The following LPGAT1 variants were observed in gnomAD, a reference collection of about 807,000 sequenced individuals.
The protein encoded by LPGAT1 is lysophosphatidylglycerol acyltransferase 1, also known as acyl-CoA:lysophosphatidylglycerol acyltransferase 1.
Under a neutral mutation model 47.5 loss-of-function variants are expected in LPGAT1, and 11 were observed. The ratio of observed to expected loss-of-function variants is 0.23; its 90% confidence interval spans 0.15 to 0.38. The LOEUF (loss-of-function observed/expected upper bound fraction) is 0.38. Ranked by LOEUF, LPGAT1 falls within the 10% of genes least tolerant of loss-of-function variation. The probability of loss-of-function intolerance (pLI) is 1.00; values close to 1 mark genes in which losing one functional copy is unlikely to be tolerated. For missense variants in LPGAT1, 293 were observed against 439.0 expected, an observed-to-expected ratio of 0.67 and a Z score of 2.97; for synonymous variants, 138 against 144.2, an observed-to-expected ratio of 0.96 and a Z score of 0.31.
chr1:211,809,595 A>G (rs1408952842), intron 2 of LPGAT1, among the ~76,000 whole-genome samples: 1 of 152,152 alleles, frequency 6.6e-6, no homozygotes, highest in Non-Finnish European at 1.5e-5. Context: ...TAATTGAATC[A>G]TGAGGGGCGT....
chr1:211,757,553 C>A (rs146833598), intron 6 of LPGAT1, among the ~76,000 whole-genome samples: 23 of 152,246 alleles, frequency 1.5e-4, no homozygotes, highest in African/African-American at 5.5e-4. Context: ...TTGGGTTCAG[C>A]AATAGTTGTA....
At chr1:211,829,391 A>G in intron 1 of LPGAT1, 68 bp from the exon 2 acceptor site, 1 of 1,567,550 alleles carries the variant, frequency 6.4e-7, no homozygotes, top group East Asian at 2.3e-5. Flanking sequence ...TCACCAACAT[A>G]GAAATCGCCC....
chr1:211,826,064 C>G (rs1408764105), intron 2 of LPGAT1, among the ~76,000 whole-genome samples: 5 of 152,054 alleles, frequency 3.3e-5, no homozygotes, highest in African/African-American at 1.2e-4. Context: ...AAATGTGTAA[C>G]TTAAAGTCAG....
chr1:211,744,938 A>G lies in LPGAT1; in HGVS notation c.*4961T>C, dbSNP rs1049709467. On this transcript the variant is annotated 3_prime_UTR_variant, in exon 8 of 8. Transcript: ENST00000366997. ...TATTAATGCCCAAATAGCTCTGGTA[A>G]AACACACATGCCCCATCCCCACTGC... 6.6e-6 allele frequency: 1 copy of G among 152,644 alleles called. No homozygotes were observed. Among genetic ancestry groups the G allele is most frequent in the Non-Finnish European group, 1.5e-5 (1 of 68,052 alleles). The allele number at this position is 152,644 out of a possible 1,614,324, so 9.5% of individuals were successfully genotyped here. A position where few individuals can be genotyped will look rare whatever the true frequency, so the allele number is the denominator to read the frequency against.
At chr1:211,807,233 T>C (rs770556478) in intron 2 of LPGAT1, among the ~76,000 whole-genome samples, 2 of 151,980 alleles carry the variant, frequency 1.3e-5, no homozygotes, top group Non-Finnish European at 2.9e-5. Flanking sequence ...ATCTATATAC[T>C]CAAAACTACC....
At chr1:211,825,464 A>G (rs1660517417) in intron 2 of LPGAT1, among the ~76,000 whole-genome samples, 1 of 152,074 alleles carries the variant, frequency 6.6e-6, no homozygotes, top group Non-Finnish European at 1.5e-5. Context: ...TTTGGTATGA[A>G]ATCTTTCTCT....
intron 2 of LPGAT1, among the ~76,000 whole-genome samples, chr1:211,821,133 G>C (rs747625067): frequency 6.6e-6 from 1 of 152,204 alleles, no homozygotes; most frequent in East Asian, 1.9e-4. Context: ...GTGCATGCCT[G>C]TAATCCCAGC....
Position 211,830,503 on chromosome 1 carries a change from G to T in LPGAT1, c.-28+70C>A, listed in dbSNP as rs1660700038. The T allele has an allele frequency of 8.4e-7, 1 of 1,188,626 alleles. No individual in the cohort carries two copies. Among genetic ancestry groups the T allele is most frequent in the Admixed American group, 4.5e-5 (1 of 22,446 alleles). The allele number at this position is 1,188,626 out of a possible 1,614,324, so 73.6% of individuals were successfully genotyped here. On this transcript the variant is annotated intron_variant, in intron 1 of 7. Transcript: ENST00000366997. The surrounding 1 kb of genome is among the most constrained non-coding windows in gnomAD (Gnocchi z 5.9). ...ACGCGACGACGACACCCCCTTCCCC[G>T]CCCCCAGCGCCTCCCCTGGCCCGGC...
intron 6 of LPGAT1, among the ~76,000 whole-genome samples, chr1:211,764,910 C>T (rs1043474605): frequency 1.3e-5 from 2 of 152,166 alleles, no homozygotes; most frequent in African/African-American, 4.8e-5. Flanking sequence ...GATAACTGAG[C>T]CCTCCTCTTG....
intron 2 of LPGAT1, among the ~76,000 whole-genome samples, chr1:211,799,739 T>G (rs1193981006): frequency 6.6e-6 from 1 of 152,100 alleles, no homozygotes; most frequent in African/African-American, 2.4e-5. Flanking sequence ...AGTTGAATAA[T>G]AACCAGGTCT....
intron 6 of LPGAT1, among the ~76,000 whole-genome samples, chr1:211,756,003 C>T (rs1391183845): frequency 1.3e-5 from 2 of 152,022 alleles, no homozygotes; most frequent in Non-Finnish European, 2.9e-5. Flanking sequence ...TTTGGGAGGC[C>T]GAGGCAGGTG....
intron 2 of LPGAT1, among the ~76,000 whole-genome samples, chr1:211,804,144 C>T (rs905811786): frequency 6.6e-6 from 1 of 152,146 alleles, no homozygotes; most frequent in Non-Finnish European, 1.5e-5. Context: ...ACAATCAAAG[C>T]TCACTGTAGC....
At chr1:211,755,585 A>G (rs573349352) in intron 6 of LPGAT1, among the ~76,000 whole-genome samples, 20 of 151,962 alleles carry the variant, frequency 1.3e-4, no homozygotes, top group African/African-American at 4.8e-4. Context: ...GGAGTGTGGC[A>G]TGAAAAATCT....
chr1:211,759,736 T>C (rs980354838), intron 6 of LPGAT1, among the ~76,000 whole-genome samples: 1 of 152,212 alleles, frequency 6.6e-6, no homozygotes, highest in Admixed American at 6.5e-5. Context: ...GCAAACAATA[T>C]TTTTGAATTT....
In LPGAT1 at chr1:211,783,165, T is replaced by A. The variant is rs986760908; in HGVS notation, c.727+64A>T. The stretch of plus-strand genomic sequence containing the variant: ...TAAATATAAAAAAGAACAATGATCA[T>A]CTTCTGTAACTCCAGAAAATCCTTT... On this transcript the variant is annotated intron_variant, in intron 5 of 7. Coordinates refer to ENST00000366997, the MANE Select transcript of LPGAT1 (RefSeq NM_014873.3). The A allele has an allele frequency of 1.7e-5, 24 of 1,373,654 alleles. No homozygotes were observed. In the African/African-American group the frequency reaches 2.2e-4, roughly 12 times the overall value. 85.1% of individuals were successfully genotyped at this position (1,373,654 alleles called of 1,614,324 possible).
At chr1:211,767,783 A>G (rs1658003262) in intron 6 of LPGAT1, among the ~76,000 whole-genome samples, 1 of 152,196 alleles carries the variant, frequency 6.6e-6, no homozygotes, top group African/African-American at 2.4e-5. Flanking sequence ...AGCATAAGAA[A>G]AACTAAAGAT....
intron 6 of LPGAT1, among the ~76,000 whole-genome samples, chr1:211,767,423 A>T (rs1048847890): frequency 6.6e-6 from 1 of 152,228 alleles, no homozygotes; most frequent in Non-Finnish European, 1.5e-5. Flanking sequence ...GGCATGAGCC[A>T]TCATACCCAG....
At position 211,830,523 on chromosome 1, in the gene LPGAT1, C is replaced by G; in HGVS notation, c.-28+50G>C. 11 of 1,201,356 alleles carry G rather than the reference C, an allele frequency of 9.2e-6. No homozygotes were observed. Among genetic ancestry groups the G allele is most frequent in the Non-Finnish European group, 1.1e-5 (11 of 967,900 alleles). 74.4% of individuals were successfully genotyped at this position (1,201,356 alleles called of 1,614,324 possible). On this transcript the variant is annotated intron_variant, in intron 1 of 7. Coordinates refer to ENST00000366997, the MANE Select transcript of LPGAT1 (RefSeq NM_014873.3). The surrounding 1 kb of genome is among the most constrained non-coding windows in gnomAD (Gnocchi z 5.9). ...TCCCCGCCCCCAGCGCCTCCCCTGG[C>G]CCGGCTCCGCTGCCGCTCTGGGGCC...
rs991560387 is a variant in LPGAT1, at chr1:211,744,697, A to G, written c.*5202T>C. The G allele has an allele frequency of 6.6e-6, 1 of 152,262 alleles. No homozygotes were observed. The highest frequency in any genetic ancestry group is 1.5e-5 in the Non-Finnish European group (1 of 68,050). The allele number at this position is 152,262 out of a possible 1,614,324, so 9.4% of individuals were successfully genotyped here. ...TGTGTTATATGTTCTTGCTATCAGCAAAATTTATAACAAACATGTATAGTT... is the reference window on the plus strand; with the variant it reads ...TGTGTTATATGTTCTTGCTATCAGCGAAATTTATAACAAACATGTATAGTT... On this transcript the variant is annotated 3_prime_UTR_variant, in exon 8 of 8. Transcript: ENST00000366997.
Sources: gnomAD v4.1 joint callset for allele counts (sites outside exome capture counted in the v4.1 genomes callset) on GRCh38, gnomAD v4.1.1 for gene constraint, Gnocchi (gnomAD v3.1) non-coding constraint, MANE v1.5 for transcripts, NCBI Gene and HGNC (gene_info 2026-07-23, HGNC 2026-07-21) for gene names.